The following ANO7 variants were observed in gnomAD, a reference collection of about 807,000 sequenced individuals.
ANO7 encodes anoctamin 7, also known as anoctamin-7.
ANO7 carries 114 observed loss-of-function variants against 115.8 expected under a neutral mutation model. The ratio of observed to expected loss-of-function variants is 0.98; its 90% CI spans 0.85 to 1.15. ANO7 has a LOEUF of 1.15. Ranked by LOEUF, ANO7 falls within the 50% of genes most tolerant of loss-of-function variation. ANO7 has a pLI of 0.00. For missense variants in ANO7, 1,302 were observed against 1,201.2 expected (o/e 1.08, Z -1.24); for synonymous variants, 550 against 498.2 (o/e 1.10, Z -1.38).
chr2:241,231,236 T>G, the ANO7 span: 1 of 279,182 alleles, frequency 3.6e-6, no homozygotes, highest in Non-Finnish European at 6.9e-6. Context: ...AATACAATAT[T>G]AGCCGGGCGT....
the ANO7 span, among the ~76,000 whole-genome samples, chr2:241,232,754 C>T: frequency 6.6e-6 from 1 of 152,052 alleles, no homozygotes; most frequent in African/African-American, 2.4e-5. Flanking sequence ...GCAGAGGTTA[C>T]AGTGAGCCGA....
In ANO7 at chr2:241,204,919, T is replaced by C. The variant is rs985159731; in HGVS notation, c.944T>C (p.Leu315Pro). The C allele has an allele frequency of 6.2e-7, 1 of 1,614,074 alleles. No individual in the cohort carries two copies. Among genetic ancestry groups the C allele is most frequent in the Admixed American group, 1.7e-5 (1 of 60,014 alleles). ...GCAGTGGTGGGCACACTGGTGTTCC[T>C]GGTGGGCTGCTTCCTGGTGTTCTCA... Reference protein sequence around the residue: ...PAAVVGTLVFLVGCFLVFSDI... With the variant: ...PAAVVGTLVFPVGCFLVFSDI... Residue 315 changes from leucine (L) to proline (P), a missense_variant, in exon 10 of 25, where the codon CTG becomes CCG. Leu to Pro is a moderately conservative substitution (Grantham distance 98). Transcript: ENST00000674324.
intron 4 of ANO7, among the ~76,000 whole-genome samples, chr2:241,198,080 TG>T (rs2068386105): frequency 6.6e-6 from 1 of 152,234 alleles, no homozygotes; most frequent in South Asian, 2.1e-4. Flanking sequence ...GATGGTGTCC[TG>T]GTTGGTTTTA....
chr2:241,217,760 T>C lies in ANO7; in HGVS notation c.2047T>C (p.Trp683Arg), dbSNP rs1559455356. 6 of 1,608,438 alleles carry C rather than the reference T, an allele frequency of 3.7e-6. No homozygotes were observed. The highest frequency in any genetic ancestry group is 2.2e-5 in the South Asian group (2 of 90,236). Reference sequence around the variant, plus strand: ...GCCGCTCTTCGCCCTGCTCAACAACTGGGTGGAGATCCGCTTGGACGCGCG... The same window carrying C: ...GCCGCTCTTCGCCCTGCTCAACAACCGGGTGGAGATCCGCTTGGACGCGCG... ...LAPLFALLNN[W>R]VEIRLDARKF... The change falls in exon 20 of 25, where the codon TGG (tryptophan) becomes CGG (arginine). Residue 683 changes from tryptophan to arginine, a missense_variant. Physicochemically the swap from Trp to Arg is moderately radical, Grantham distance 101. Coordinates refer to ENST00000674324, the MANE Select transcript of ANO7 (RefSeq NM_001370694.2).
chr2:241,235,823 A>G, the ANO7 span, among the ~76,000 whole-genome samples: 3 of 152,122 alleles, frequency 2.0e-5, no homozygotes, highest in Non-Finnish European at 4.4e-5. Flanking sequence ...TCCCAAGCCT[A>G]CCCTCCTGAA....
chr2:241,235,445 C>A, the ANO7 span: 1 of 1,506,908 alleles, frequency 6.6e-7, no homozygotes, highest in Non-Finnish European at 9.2e-7. Context: ...GGAGAGGATG[C>A]GACAGGCCAC....
At position 241,218,341 on chromosome 2, in the gene ANO7, G is replaced by T; in HGVS notation, c.2281G>T (p.Ala761Ser). ...CTTCCTCAACTTCACGCTGGCGCGA[G>T]CCCCGTCCTCCTTCGCCGCCGCGCA... is the stretch of plus-strand genomic sequence containing the variant. ...RGFLNFTLAR[A>S]PSSFAAAHNR... The change falls in exon 21 of 25, where the codon GCC becomes TCC. Residue 761 changes from alanine to serine, a missense_variant. Physicochemically the swap from Ala to Ser is moderately conservative, Grantham distance 99. Transcript: ENST00000674324. 3 of 1,492,716 alleles carry T rather than the reference G, an allele frequency of 2.0e-6. No homozygotes were observed. Among genetic ancestry groups the T allele is most frequent in the Non-Finnish European group, 2.7e-6 (3 of 1,126,470 alleles). The allele number at this position is 1,492,716 out of a possible 1,614,324, so 92.5% of individuals were successfully genotyped here. A position where few individuals can be genotyped will look rare whatever the true frequency, so the allele number is the denominator to read the frequency against.
intron 17 of ANO7, among the ~76,000 whole-genome samples, chr2:241,213,126 C>G (rs1285861191): frequency 6.6e-6 from 1 of 151,806 alleles, no homozygotes; most frequent in Non-Finnish European, 1.5e-5. Context: ...CAGAGGCTGG[C>G]CTCCTCATGG....
intron 7 of ANO7, 138 bp from the exon 8 acceptor site, chr2:241,202,056 T>C: frequency 1.5e-6 from 1 of 680,860 alleles, no homozygotes. Flanking sequence ...GTCCCAAGCC[T>C]TTCCATCAGA....
chr2:241,194,055 A>G (rs2068263171), intron 3 of ANO7, among the ~76,000 whole-genome samples: 1 of 151,976 alleles, frequency 6.6e-6, no homozygotes, highest in Non-Finnish European at 1.5e-5. Context: ...TTGTATTTTT[A>G]GTAGAGACAG....
the ANO7 span, among the ~76,000 whole-genome samples, chr2:241,238,053 T>C: frequency 2.0e-5 from 3 of 152,306 alleles, no homozygotes; most frequent in African/African-American, 7.2e-5. The surrounding 1 kb of genome is among the most constrained non-coding windows in gnomAD (Gnocchi z 4.9). Context: ...GGGCATCTGA[T>C]AACACAGAGT....
At chr2:241,238,337 G>C in the ANO7 span, 3 of 212,526 alleles carry the variant, frequency 1.4e-5, no homozygotes, top group Non-Finnish European at 2.8e-5. The surrounding 1 kb of genome is among the most constrained non-coding windows in gnomAD (Gnocchi z 4.9). Flanking sequence ...CGATCCAAAC[G>C]ATGTCATGAG....
chr2:241,221,548 T>TG (rs1553631366), intron 21 of ANO7, among the ~76,000 whole-genome samples: 3 of 151,984 alleles, frequency 2.0e-5, no homozygotes, highest in Admixed American at 6.5e-5. Flanking sequence ...TTTTTTTTTT[T>TG]TGTATTTTTA....
chr2:241,213,180 G>A (rs542210691), intron 17 of ANO7, among the ~76,000 whole-genome samples: 341 of 129,914 alleles, frequency 2.6e-3, no homozygotes, highest in Non-Finnish European at 4.2e-3. Flanking sequence ...ACACAGGCCC[G>A]CAGGGGCTGG....
At chr2:241,240,113 T>C in the ANO7 span, 1 of 1,614,174 alleles carries the variant, frequency 6.2e-7, no homozygotes, top group South Asian at 1.1e-5. The surrounding 1 kb of genome is among the most constrained non-coding windows in gnomAD (Gnocchi z 5.5). Flanking sequence ...ACAGTGAAAC[T>C]CTTGGTTTGC....
chr2:241,237,925 CTG>C, the ANO7 span, among the ~76,000 whole-genome samples: 1 of 152,210 alleles, frequency 6.6e-6, no homozygotes, highest in African/African-American at 2.4e-5. Flanking sequence ...GCTTGAATGG[CTG>C]TGTGTGACAT....
At position 241,224,425 on chromosome 2, in the gene ANO7, G is replaced by C. The variant is rs1413972840; in HGVS notation, c.*272G>C. 4.0e-6 allele frequency: 2 copies of C among 499,662 alleles called. No individual in the cohort carries two copies. Among genetic ancestry groups the C allele is most frequent in the East Asian group, 3.5e-5 (1 of 28,978 alleles). The allele number at this position is 499,662 out of a possible 1,614,324, so 31.0% of individuals were successfully genotyped here. On this transcript the variant is annotated 3_prime_UTR_variant, in exon 25 of 25. Coordinates refer to ENST00000674324, the MANE Select transcript of ANO7 (RefSeq NM_001370694.2). ...AAGCCCAAGGGGCCCCTGCACCCAA[G>C]GGACCCTGTCCCTCGGTGGCCTCCC...
rs770027915 is a variant in ANO7, at chr2:241,209,508, G to A, written c.1232G>A (p.Arg411Gln). Reference sequence around the variant, plus strand: ...CCGGCTCCCTTCCAGGAGAGGCCTCGGCCCCAGTTTGCCGCCTCAGCCCCC... The same window carrying A: ...CCGGCTCCCTTCCAGGAGAGGCCTCAGCCCCAGTTTGCCGCCTCAGCCCCC... ...SDYEDTEERP[R>Q]PQFAASAPMT... The change falls in exon 13 of 25, where the codon CGG becomes CAG. Residue 411 changes from arginine (R) to glutamine (Q), a missense_variant. Physicochemically the swap from Arg to Gln is conservative, Grantham distance 43. Transcript: ENST00000674324. 46 of 1,592,146 alleles carry A rather than the reference G, an allele frequency of 2.9e-5. No homozygotes were observed. Among genetic ancestry groups the A allele is most frequent in the East Asian group, 9.0e-5 (4 of 44,560 alleles).
At chr2:241,208,199 G>A (rs954793872) in intron 11 of ANO7, among the ~76,000 whole-genome samples, 7 of 152,182 alleles carry the variant, frequency 4.6e-5, no homozygotes, top group African/African-American at 1.2e-4. Context: ...GCCAGACGCC[G>A]TTTGACCTCA....
Sources: gnomAD v4.1 joint callset for allele counts (sites outside exome capture counted in the v4.1 genomes callset) on GRCh38, gnomAD v4.1.1 for gene constraint, Gnocchi (gnomAD v3.1) non-coding constraint, MANE v1.5 for transcripts, NCBI Gene and HGNC (gene_info 2026-07-23, HGNC 2026-07-21) for gene names.